ATRX: variants seen among roughly 807,000 people sequenced by gnomAD.
The protein encoded by ATRX is ATRX chromatin remodeler, also known as chromatin remodeler ATRX.
In ATRX, 12 loss-of-function variants were observed where a neutral mutation model predicts 172.6. The observed-to-expected ratio is 0.07, with a 90% CI of 0.04 to 0.11. ATRX has a LOEUF of 0.11. Ranked by LOEUF, ATRX falls within the 10% of genes least tolerant of loss-of-function variation. ATRX has a pLI of 1.00. For missense variants in ATRX, 1,368 were observed against 1,767.4 expected (o/e 0.77, Z 4.05); for synonymous variants, 674 against 594.7 (o/e 1.13, Z -1.94).
intron 28 of ATRX, among the ~76,000 whole-genome samples, chrX:77,569,001 T>A (rs1331639324): frequency 9.0e-6 from 1 of 111,290 alleles, no homozygotes; most frequent in Non-Finnish European, 1.9e-5. Context: ...TGTGCATTCC[T>A]ACTCAAAGAG....
chrX:77,653,591 T>C (rs2069392124), intron 14 of ATRX, among the ~76,000 whole-genome samples: 1 of 111,890 alleles, frequency 8.9e-6, no homozygotes, highest in Admixed American at 9.5e-5. Context: ...GAAGAGTTTC[T>C]GCTTGTGAAT....
At chrX:77,668,531 C>T (rs1557127593) in intron 10 of ATRX, among the ~76,000 whole-genome samples, 4 of 111,522 alleles carry the variant, frequency 3.6e-5, no homozygotes. Flanking sequence ...GAGGCACAGG[C>T]CGTGCCACTC....
At chrX:77,627,013 C>T (rs1557103455) in intron 19 of ATRX, among the ~76,000 whole-genome samples, 1 of 110,878 alleles carries the variant, frequency 9.0e-6, no homozygotes, top group Non-Finnish European at 1.9e-5. Context: ...ATCACGAGGT[C>T]AGGAGATAGA....
At chrX:77,685,073 T>C in intron 7 of ATRX, 67 bp from the exon 8 acceptor site, 1 of 865,666 alleles carries the variant, frequency 1.2e-6, no homozygotes, top group African/African-American at 2.0e-5. Flanking sequence ...GGACAAAAAC[T>C]TTATTTTTTT....
intron 1 of ATRX, among the ~76,000 whole-genome samples, chrX:77,751,998 T>C (rs2075320233): frequency 9.1e-6 from 1 of 109,857 alleles, no homozygotes; most frequent in Admixed American, 9.7e-5. Flanking sequence ...TGGCTCTACG[T>C]AGTTTTTCCT....
At chrX:77,512,386 G>A (rs1426742796) in intron 34 of ATRX, among the ~76,000 whole-genome samples, 1 of 112,160 alleles carries the variant, frequency 8.9e-6, no homozygotes, top group Non-Finnish European at 1.9e-5. Flanking sequence ...AACAAACAAC[G>A]AAAAGTTACA....
At position 77,656,462 on chromosome X, in the gene ATRX, CTAACT is replaced by C. The variant is rs782751156; in HGVS notation, c.4214+93_4214+97del. ...TCAAATCAAAATATTATATATCACA[CTAACT>C]TAACTTTATTGGTAACAGTAACCAT... On this transcript the variant is annotated intron_variant, in intron 13 of 34. Transcript: ENST00000373344. 1.8e-4 allele frequency: 112 copies of C among 623,618 alleles called. 1 individual carries two copies. The highest frequency in any genetic ancestry group is 2.5e-4 in the Non-Finnish European group (95 of 376,095). 51.4% of individuals were successfully genotyped at this position (623,618 alleles called of 1,213,427 possible).
intron 1 of ATRX, among the ~76,000 whole-genome samples, chrX:77,736,126 T>C (rs1169404725): frequency 9.0e-6 from 1 of 111,562 alleles, no homozygotes; most frequent in Non-Finnish European, 1.9e-5. Context: ...CAAGAAAACA[T>C]TGGGGAAACT....
At chrX:77,697,098 T>C (rs1399753496) in intron 4 of ATRX, among the ~76,000 whole-genome samples, 1 of 112,120 alleles carries the variant, frequency 8.9e-6, no homozygotes, top group African/African-American at 3.2e-5. Context: ...GGGTACTACA[T>C]TATGTTAGAA....
At chrX:77,641,961 G>C (rs2068677768) in intron 15 of ATRX, among the ~76,000 whole-genome samples, 2 of 112,064 alleles carry the variant, frequency 1.8e-5, no homozygotes, top group African/African-American at 6.5e-5. Context: ...AAGATCTTTG[G>C]GAGGCCAAGG....
chrX:77,594,526 T>C (rs1179492478), intron 25 of ATRX: 10 of 112,459 alleles, frequency 8.9e-5, no homozygotes, highest in African/African-American at 3.2e-4. Context: ...TTTATACACT[T>C]TCTCAATTGC....
At chrX:77,614,780 T>C (rs1030441968) in intron 22 of ATRX, among the ~76,000 whole-genome samples, 1 of 111,547 alleles carries the variant, frequency 9.0e-6, no homozygotes, top group Non-Finnish European at 1.9e-5. Context: ...TGTTGTTAAC[T>C]ACAGTCACCC....
At chrX:77,658,744 C>A (rs1324272370) in intron 12 of ATRX, among the ~76,000 whole-genome samples, 1 of 111,430 alleles carries the variant, frequency 9.0e-6, no homozygotes, top group African/African-American at 3.3e-5. Flanking sequence ...ATTTGGCCCA[C>A]AGGTGCAGTT....
chrX:77,612,914 A>T, intron 22 of ATRX, among the ~76,000 whole-genome samples: 1 of 111,868 alleles, frequency 8.9e-6, no homozygotes, highest in Non-Finnish European at 1.9e-5. Flanking sequence ...TGTGGTAGTA[A>T]ATGTCGGAAT....
intron 5 of ATRX, among the ~76,000 whole-genome samples, chrX:77,694,797 C>T (rs1414654802): frequency 5.8e-5 from 6 of 103,068 alleles, no homozygotes; most frequent in African/African-American, 1.8e-4. Context: ...AGCAGGTAGT[C>T]ACCAGGGGCT....
intron 28 of ATRX, among the ~76,000 whole-genome samples, chrX:77,563,702 CGTGTGT>C (rs201190876): frequency 0.058 from 5,484 of 95,163 alleles, 157 homozygotes; most frequent in Non-Finnish European, 0.083. Flanking sequence ...TGTGTACATG[CGTGTGT>C]GTGTGTGTGT....
At chrX:77,726,641 G>C (rs2074056278) in intron 1 of ATRX, among the ~76,000 whole-genome samples, 1 of 111,795 alleles carries the variant, frequency 8.9e-6, no homozygotes, top group African/African-American at 3.2e-5. Flanking sequence ...ATCTCCATTA[G>C]AGAAAAGTGG....
intron 2 of ATRX, among the ~76,000 whole-genome samples, chrX:77,711,117 T>C (rs1053636886): frequency 8.9e-6 from 1 of 112,146 alleles, no homozygotes; most frequent in South Asian, 3.7e-4. Context: ...TGCATGTGAA[T>C]TTATAATTAC....
chrX:77,620,276 T>C (rs1467102738), intron 20 of ATRX, 119 bp downstream of exon 20: 1 of 768,155 alleles, frequency 1.3e-6, no homozygotes. Flanking sequence ...GATGAACCTA[T>C]GTAGATCATG....
Sources: gnomAD v4.1 joint callset for allele counts (sites outside exome capture counted in the v4.1 genomes callset) on GRCh38, gnomAD v4.1.1 for gene constraint, MANE v1.5 for transcripts, NCBI Gene and HGNC (gene_info 2026-07-23, HGNC 2026-07-21) for gene names.